OOSP2: variants seen among roughly 807,000 people sequenced by gnomAD.
OOSP2 encodes the protein oocyte-secreted protein 2.
In OOSP2, 7 loss-of-function variants were observed where a neutral mutation model predicts 13.4. The ratio of observed to expected loss-of-function variants is 0.52; its 90% confidence interval spans 0.30 to 0.98. The LOEUF (loss-of-function observed/expected upper bound fraction) is 0.98, where lower values mean the gene tolerates loss of function less well. Ranked by LOEUF, OOSP2 falls within the 50% of genes least tolerant of loss-of-function variation. The pLI is 0.07. For synonymous variants in OOSP2, 75 were observed against 67.2 expected (o/e 1.12, Z -0.57); for missense variants, 184 against 188.5 (o/e 0.98, Z 0.14).
rs1470435580 is a variant in OOSP2 at position 60,043,651 on chromosome 11, A to G, written c.243+4A>G. On this transcript the variant is annotated splice_donor_region_variant and intron_variant, in intron 2 of 3. Transcript: ENST00000278855. Reference sequence around the variant, plus strand: ...TGATTGTGGCATCAGGACAAGGGTAAGAACAGTGATTGTTTGTAAAAAATA... The same window carrying G: ...TGATTGTGGCATCAGGACAAGGGTAGGAACAGTGATTGTTTGTAAAAAATA... 2 of 1,504,102 alleles carry G rather than the reference A, an allele frequency of 1.3e-6. No individual in the cohort carries two copies. The highest frequency in any genetic ancestry group is 2.5e-5 in the South Asian group (2 of 80,614). The allele number at this position is 1,504,102 out of a possible 1,614,324, so 93.2% of individuals were successfully genotyped here.
intron 1 of OOSP2, among the ~76,000 whole-genome samples, 197 bp downstream of exon 1, chr11:60,040,720 A>G (rs757595026): frequency 1.6e-4 from 24 of 152,190 alleles, no homozygotes; most frequent in Non-Finnish European, 3.5e-4. Flanking sequence ...CCCAGTTCTC[A>G]GGCTTTTATT....
chr11:60,041,005 CAA>C (rs1483948611), intron 1 of OOSP2, among the ~76,000 whole-genome samples: 14 of 152,184 alleles, frequency 9.2e-5, no homozygotes, highest in Admixed American at 9.2e-4. Flanking sequence ...AACGGTTCTG[CAA>C]AGTTAATAGG....
At chr11:60,046,094 CTCTGTCCCTGTCTCTCTGG>C (rs1178944561) in intron 3 of OOSP2, among the ~76,000 whole-genome samples, 89 of 150,684 alleles carry the variant, frequency 5.9e-4, no homozygotes, top group African/African-American at 2.1e-3. Context: ...CTCTCTCTGT[CTCTGTCCCTGTCTCTCTGG>C]TCTGTCCCTG....
intron 3 of OOSP2, chr11:60,046,615 C>T: frequency 4.3e-6 from 2 of 468,558 alleles, no homozygotes; most frequent in East Asian, 1.3e-4. Flanking sequence ...TCTTACTGTT[C>T]TTAGGATCCA....
chr11:60,041,850 C>CAAAAAAAAAAAAA (rs571172974), intron 1 of OOSP2, among the ~76,000 whole-genome samples: 6 of 36,438 alleles, frequency 1.6e-4, no homozygotes, highest in African/African-American at 5.8e-4. Context: ...GACTCTGTCT[C>CAAAAAAAAAAAAA]AAAAAAAAAA....
intron 3 of OOSP2, 114 bp from the exon 4 acceptor site, chr11:60,046,830 A>G (rs578195962): frequency 3.4e-6 from 3 of 892,668 alleles, no homozygotes; most frequent in Non-Finnish European, 5.7e-6. Flanking sequence ...TGCTGGCTCT[A>G]TGCCATACTC....
At chr11:60,042,932 T>A (rs1190875224) in intron 1 of OOSP2, among the ~76,000 whole-genome samples, 2 of 151,432 alleles carry the variant, frequency 1.3e-5, no homozygotes, top group East Asian at 3.9e-4. Flanking sequence ...TTTTTTGGAG[T>A]CTCTCTCTGT....
intron 1 of OOSP2, among the ~76,000 whole-genome samples, chr11:60,041,850 CAA>C (rs571172974): frequency 2.2e-4 from 8 of 36,434 alleles, no homozygotes; most frequent in Admixed American, 8.3e-4. Context: ...GACTCTGTCT[CAA>C]AAAAAAAAAA....
At chr11:60,043,168 G>T (rs1191406663) in intron 1 of OOSP2, among the ~76,000 whole-genome samples, 2 of 152,076 alleles carry the variant, frequency 1.3e-5, no homozygotes, top group Non-Finnish European at 2.9e-5. Context: ...CCTCCCAAAA[G>T]GCTGGGATTA....
intron 1 of OOSP2, 75 bp from the exon 2 acceptor site, chr11:60,043,394 C>T (rs1854963251): frequency 1.1e-6 from 1 of 872,146 alleles, no homozygotes; most frequent in Non-Finnish European, 1.8e-6. Context: ...TCACAGAGGG[C>T]AGAGTTGACT....
intron 1 of OOSP2, among the ~76,000 whole-genome samples, chr11:60,041,547 A>G (rs1298764707): frequency 1.3e-5 from 2 of 152,156 alleles, no homozygotes; most frequent in Non-Finnish European, 1.5e-5. Flanking sequence ...ATAGAACGTC[A>G]GACTAAAACT....
intron 1 of OOSP2, among the ~76,000 whole-genome samples, chr11:60,042,011 C>T (rs1854938625): frequency 6.6e-6 from 1 of 151,948 alleles, no homozygotes; most frequent in South Asian, 2.1e-4. Context: ...CCCAGCTACT[C>T]GGGAGGCTGA....
intron 3 of OOSP2, among the ~76,000 whole-genome samples, chr11:60,046,066 C>T (rs199651249): frequency 7.1e-6 from 1 of 141,796 alleles, no homozygotes; most frequent in African/African-American, 2.5e-5. Flanking sequence ...CTTTGTCTGT[C>T]TCTCTCTGTC....
intron 3 of OOSP2, 150 bp from the exon 4 acceptor site, chr11:60,046,794 T>A: frequency 1.3e-6 from 1 of 771,426 alleles, no homozygotes. Context: ...GTACCAAGAG[T>A]CCACGAGGAT....
intron 1 of OOSP2, among the ~76,000 whole-genome samples, chr11:60,041,707 CT>C (rs1854929418): frequency 6.6e-6 from 1 of 151,916 alleles, no homozygotes; most frequent in African/African-American, 2.4e-5. Context: ...AAAAAGTAGC[CT>C]TGTGTAGTGG....
At chr11:60,046,700 G>T in intron 3 of OOSP2, 1 of 609,062 alleles carries the variant, frequency 1.6e-6, no homozygotes, top group Non-Finnish European at 3.1e-6. Context: ...AAGACCATTC[G>T]TCTTTCTACT....
In OOSP2 at chr11:60,047,171, C is replaced by A; in HGVS notation, c.*98C>A. The A allele has an allele frequency of 1.0e-6, 1 of 977,480 alleles. No individual in the cohort carries two copies. Among genetic ancestry groups the A allele is most frequent in the Non-Finnish European group, 1.5e-6 (1 of 655,484 alleles). The allele number at this position is 977,480 out of a possible 1,614,324, so 60.6% of individuals were successfully genotyped here. A position where few individuals can be genotyped will look rare whatever the true frequency, so the allele number is the denominator to read the frequency against. Reference sequence around the variant, plus strand: ...AAAAATATAGTTGGTGTATATCTCTCCTTAAGTCTCTGGTTTCTAAAAACC... The same window carrying A: ...AAAAATATAGTTGGTGTATATCTCTACTTAAGTCTCTGGTTTCTAAAAACC... On this transcript the variant is annotated 3_prime_UTR_variant, in exon 4 of 4. Transcript: ENST00000278855.
chr11:60,045,609 T>TTGTACATA (rs1854997668), intron 3 of OOSP2, among the ~76,000 whole-genome samples: 1 of 33,590 alleles, frequency 3.0e-5, no homozygotes, highest in African/African-American at 7.1e-5. Flanking sequence ...ATACATAATC[T>TTGTACATA]TGTACATTTG....
At position 60,040,467 on chromosome 11, in the gene OOSP2, T is replaced by G; in HGVS notation, c.8T>G (p.Leu3Ter). 6.3e-7 allele frequency: 1 copy of G among 1,597,166 alleles called. No individual in the cohort carries two copies. The highest frequency in any genetic ancestry group is 8.6e-7 in the Non-Finnish European group (1 of 1,164,526). Residue 3 changes from leucine (L) to a stop codon, truncating the protein, a stop_gained, in exon 1 of 4, where the codon TTA becomes TGA. Coordinates refer to ENST00000278855, the MANE Select transcript of OOSP2 (RefSeq NM_173801.5). LOFTEE classifies it high-confidence loss of function. The part of the protein sequence containing the change: MA[L>*]EVLMLLAVLI... ...GCTCAGACGAAGGTCTCCATGGCGT[T>G]AGAAGTCTTGATGCTCCTCGCTGTC...
Sources: gnomAD v4.1 joint callset for allele counts (sites outside exome capture counted in the v4.1 genomes callset) on GRCh38, gnomAD v4.1.1 for gene constraint, MANE v1.5 for transcripts, NCBI Gene and HGNC (gene_info 2026-07-23, HGNC 2026-07-21) for gene names.